KCNK1: variants seen among roughly 807,000 people sequenced by gnomAD.
KCNK1 encodes the protein potassium channel subfamily K member 1.
KCNK1 carries 10 observed loss-of-function variants against 22.2 expected under a neutral mutation model. The observed-to-expected ratio is 0.45, with a 90% CI of 0.28 to 0.76. The LOEUF is 0.76. Ranked by LOEUF, KCNK1 falls within the 30% of genes least tolerant of loss-of-function variation. The pLI is 0.14. For missense variants in KCNK1, 378 were observed against 421.0 expected (o/e 0.90, Z 0.89); for synonymous variants, 200 against 186.4 (o/e 1.07, Z -0.60).
intron 1 of KCNK1, among the ~76,000 whole-genome samples, chr1:233,633,273 C>T (rs960356917): frequency 6.6e-6 from 1 of 150,932 alleles, no homozygotes; most frequent in Admixed American, 6.6e-5. Context: ...TGTAAACAAA[C>T]AAACAAACAA....
chr1:233,629,336 A>G (rs1261603073), intron 1 of KCNK1, among the ~76,000 whole-genome samples: 2 of 152,142 alleles, frequency 1.3e-5, no homozygotes, highest in Admixed American at 1.3e-4. Flanking sequence ...GCACTGAGAT[A>G]AACAGGCAGT....
chr1:233,619,100 C>A (rs370909421), intron 1 of KCNK1, among the ~76,000 whole-genome samples: 2 of 152,112 alleles, frequency 1.3e-5, no homozygotes, highest in African/African-American at 4.8e-5. Flanking sequence ...TCACTTCAGC[C>A]TCTAACTCCT....
chr1:233,650,555 A>G (rs1438368139), intron 1 of KCNK1, among the ~76,000 whole-genome samples: 1 of 152,162 alleles, frequency 6.6e-6, no homozygotes, highest in African/African-American at 2.4e-5. Flanking sequence ...CAGCAATAGA[A>G]GAGTTTAACT....
intron 1 of KCNK1, among the ~76,000 whole-genome samples, chr1:233,616,529 T>C (rs1657490859): frequency 6.6e-6 from 1 of 152,228 alleles, no homozygotes; most frequent in African/African-American, 2.4e-5. Flanking sequence ...TAAGAAAGTC[T>C]GTATTCATGC....
intron 1 of KCNK1, among the ~76,000 whole-genome samples, chr1:233,625,590 C>T (rs1399049582): frequency 6.6e-6 from 1 of 151,980 alleles, no homozygotes; most frequent in African/African-American, 2.4e-5. Flanking sequence ...CCAGCATGAA[C>T]AAAGAGATAA....
intron 1 of KCNK1, chr1:233,631,234 T>G (rs1345384460): frequency 1.9e-6 from 1 of 527,968 alleles, no homozygotes; most frequent in African/African-American, 1.9e-5. Flanking sequence ...CGATTATCAT[T>G]GTGTTTCCCT....
At chr1:233,616,802 T>C (rs914289096) in intron 1 of KCNK1, among the ~76,000 whole-genome samples, 4 of 152,260 alleles carry the variant, frequency 2.6e-5, no homozygotes, top group Non-Finnish European at 5.9e-5. Context: ...TTATCATAGG[T>C]GCCCTGGCCA....
intron 1 of KCNK1, among the ~76,000 whole-genome samples, chr1:233,640,496 T>C (rs997780711): frequency 6.6e-6 from 1 of 152,232 alleles, no homozygotes; most frequent in African/African-American, 2.4e-5. Flanking sequence ...TAATTAATTA[T>C]AGTTAGATAT....
intron 2 of KCNK1, 93 bp downstream of exon 2, chr1:233,667,083 G>A: frequency 2.5e-5 from 27 of 1,087,192 alleles, no homozygotes; most frequent in Non-Finnish European, 3.0e-5. Context: ...TCACTCTGTT[G>A]CCCAGGCTGG....
In KCNK1 at chr1:233,667,008, C is replaced by T. The variant is rs1272456139; in HGVS notation, c.751+18C>T. 2.0e-6 allele frequency: 3 copies of T among 1,529,194 alleles called. No individual in the cohort carries two copies. Among genetic ancestry groups the T allele is most frequent in the East Asian group, 4.7e-5 (2 of 42,714 alleles). The allele number at this position is 1,529,194 out of a possible 1,614,324, so 94.7% of individuals were successfully genotyped here. ...GATCACGTGTGAGTATTACAGCTCC[C>T]TGGCTGCTCCTTCTGTCTCCTTTAT... On this transcript the variant is annotated intron_variant, in intron 2 of 2. Coordinates refer to ENST00000366621, the MANE Select transcript of KCNK1 (RefSeq NM_002245.4).
rs911372841 is a variant in KCNK1 at position 233,672,115 on chromosome 1, C to G, written c.*585C>G. On this transcript the variant is annotated 3_prime_UTR_variant, in exon 3 of 3. Coordinates refer to ENST00000366621, the MANE Select transcript of KCNK1 (RefSeq NM_002245.4). ...GTACATATGGTTTAGGTCACCAGAT[C>G]CTAGTGTAGTTCTGAAACTAAGACT... 5.3e-5 allele frequency: 8 copies of G among 151,920 alleles called. No homozygotes were observed. The highest frequency in any genetic ancestry group is 1.0e-4 in the Non-Finnish European group (7 of 67,984). 9.4% of individuals were successfully genotyped at this position (151,920 alleles called of 1,614,324 possible).
intron 1 of KCNK1, chr1:233,631,473 G>GC: frequency 2.8e-6 from 1 of 360,346 alleles, no homozygotes; most frequent in South Asian, 2.1e-5. Context: ...CTGGTATCTT[G>GC]AAGAATGTGC....
At chr1:233,614,761 A>C (rs1323506320) in intron 1 of KCNK1, among the ~76,000 whole-genome samples, 2 of 152,140 alleles carry the variant, frequency 1.3e-5, no homozygotes, top group African/African-American at 4.8e-5. Context: ...CGGAGCCGGA[A>C]GCCAGAGAGG....
At chr1:233,662,888 T>A (rs182033170) in intron 1 of KCNK1, among the ~76,000 whole-genome samples, 1 of 152,210 alleles carries the variant, frequency 6.6e-6, no homozygotes, top group African/African-American at 2.4e-5. Flanking sequence ...TAAAAAAATG[T>A]AACCCAAGTA....
chr1:233,667,245 A>T (rs1315248299), intron 2 of KCNK1, among the ~76,000 whole-genome samples: 2 of 152,164 alleles, frequency 1.3e-5, no homozygotes, highest in Admixed American at 1.3e-4. Flanking sequence ...GGGGTCATTC[A>T]TAAAAGCACT....
intron 1 of KCNK1, chr1:233,650,037 G>GA: frequency 5.6e-6 from 3 of 533,432 alleles, no homozygotes; most frequent in Non-Finnish European, 1.2e-5. Flanking sequence ...GAACTTCCCT[G>GA]AGAGTACACC....
chr1:233,620,411 T>C (rs891960485), intron 1 of KCNK1, among the ~76,000 whole-genome samples: 2 of 152,216 alleles, frequency 1.3e-5, no homozygotes, highest in Non-Finnish European at 2.9e-5. Flanking sequence ...TTCTAAGTGG[T>C]ATGCAACATT....
intron 1 of KCNK1, among the ~76,000 whole-genome samples, chr1:233,659,781 G>T (rs116128633): frequency 5.3e-5 from 8 of 152,098 alleles, no homozygotes; most frequent in African/African-American, 1.9e-4. Flanking sequence ...TGACTGAAAC[G>T]TCGTTATGTG....
At chr1:233,663,102 G>A (rs1022639613) in intron 1 of KCNK1, among the ~76,000 whole-genome samples, 5 of 152,162 alleles carry the variant, frequency 3.3e-5, no homozygotes, top group Non-Finnish European at 7.4e-5. Flanking sequence ...TACTGCAAAC[G>A]AAGCGCTGTG....
Sources: gnomAD v4.1 joint callset for allele counts (sites outside exome capture counted in the v4.1 genomes callset) on GRCh38, gnomAD v4.1.1 for gene constraint, MANE v1.5 for transcripts, NCBI Gene and HGNC (gene_info 2026-07-23, HGNC 2026-07-21) for gene names.